Variants in ASIP observed in about 807,000 individuals in gnomAD.
The protein encoded by ASIP is agouti-signaling protein.
A neutral mutation model predicts 10.3 loss-of-function variants in ASIP; 11 were observed. The ratio of observed to expected loss-of-function variants is 1.07; its 90% CI spans 0.68 to 1.78. ASIP has a LOEUF of 1.78. Ranked by LOEUF, ASIP falls within the 40% of genes most tolerant of loss-of-function variation. The pLI is 0.00. For missense variants in ASIP, 180 were observed against 169.2 expected, an observed-to-expected ratio of 1.06 and a Z score of -0.35; for synonymous variants, 70 against 70.8, an observed-to-expected ratio of 0.99 and a Z score of 0.06.
At position 34,214,934 on chromosome 20, in the gene ASIP, T is replaced by C. The variant is rs2034997727; in HGVS notation, c.-11+20174T>C. On this transcript the variant is annotated intron_variant, in intron 1 of 3. Coordinates refer to the ASIP transcript ENST00000568305. ...TGAGCATTCTTAATATTCCCATTCT[T>C]AGTTAATTTACTCCAACTAACTATC... 2.7e-6 allele frequency: 4 copies of C among 1,478,752 alleles called. No individual in the cohort carries two copies. The South Asian group carries it at 3.4e-5, about 13-fold the overall frequency. 91.6% of individuals were successfully genotyped at this position (1,478,752 alleles called of 1,614,324 possible).
intron 1 of ASIP, among the ~76,000 whole-genome samples, chr20:34,254,887 T>A (rs983191986): frequency 6.6e-6 from 1 of 152,138 alleles, no homozygotes; most frequent in Non-Finnish European, 1.5e-5. Flanking sequence ...CAAATAAGAT[T>A]TACTCCACTG....
At position 34,206,601 on chromosome 20, in the gene ASIP, C is replaced by G. The variant is rs192065572; in HGVS notation, c.-11+11841C>G. Among the ~76,000 whole-genome samples the G allele has an allele frequency of 2.7e-3, 413 of 152,208 alleles. 7 individuals carry two copies. The highest frequency in any genetic ancestry group is 1.0e-3 in the Non-Finnish European group (70 of 68,014). ...TTGTTTTTGTTTTTGTTTTTTGAGA[C>G]AAAGTCTCGCTCTGTCACCTAGGCT... On this transcript the variant is annotated intron_variant, in intron 1 of 3. Transcript: ENST00000568305.
chr20:34,232,459 A>G (rs2035128269), intron 1 of ASIP, among the ~76,000 whole-genome samples: 1 of 152,140 alleles, frequency 6.6e-6, no homozygotes, highest in African/African-American at 2.4e-5. Flanking sequence ...AATCCGTCCA[A>G]TTTATCTCAT....
In ASIP at chr20:34,214,764, T is replaced by C. The variant is rs936916067; in HGVS notation, c.-11+20004T>C. On this transcript the variant is annotated intron_variant, in intron 1 of 3. Transcript: ENST00000568305. ...ACATGATTGCCTCCACATTAGCTTT[T>C]TGCTGATCCGAGAGCACTGTAAGCT... 3.6e-5 allele frequency: 49 copies of C among 1,361,508 alleles called. No homozygotes were observed. The Admixed American group carries it at 5.5e-4, about 15-fold the overall frequency. The allele number at this position is 1,361,508 out of a possible 1,614,324, so 84.3% of individuals were successfully genotyped here.
chr20:34,190,302 T>A (rs549698539), upstream of ASIP, among the ~76,000 whole-genome samples: 1 of 152,196 alleles, frequency 6.6e-6, no homozygotes, highest in East Asian at 1.9e-4. Flanking sequence ...ATTAAGATAA[T>A]GAGTATGAAA....
At chr20:34,241,553 G>C in intron 1 of ASIP, 64 bp downstream of exon 1, 1 of 984,418 alleles carries the variant, frequency 1.0e-6, no homozygotes, top group Non-Finnish European at 1.2e-6. Context: ...TTGGAAAGTT[G>C]AAAGGACTTA....
chr20:34,186,704 A>G, the ASIP span, among the ~76,000 whole-genome samples: 4 of 152,078 alleles, frequency 2.6e-5, no homozygotes, highest in Non-Finnish European at 5.9e-5. Flanking sequence ...TCATTTTTCT[A>G]TTGGGAGCTT....
intron 1 of ASIP, among the ~76,000 whole-genome samples, chr20:34,253,566 G>A (rs1424834696): frequency 3.3e-5 from 5 of 151,646 alleles, no homozygotes; most frequent in East Asian, 1.9e-4. Flanking sequence ...TCCGCCTCCC[G>A]GTTCAAGCGA....
upstream of ASIP, among the ~76,000 whole-genome samples, chr20:34,192,453 G>A (rs972683684): frequency 9.2e-5 from 14 of 151,904 alleles, no homozygotes; most frequent in African/African-American, 2.9e-4. Flanking sequence ...ATAGACATGA[G>A]CCACCACACG....
chr20:34,190,746 A>G (rs2034819945), upstream of ASIP, among the ~76,000 whole-genome samples: 1 of 152,150 alleles, frequency 6.6e-6, no homozygotes. Flanking sequence ...CTCCATACCA[A>G]GTGCAGAGCT....
At chr20:34,198,775 A>G (rs2034874724) in intron 1 of ASIP, among the ~76,000 whole-genome samples, 1 of 152,186 alleles carries the variant, frequency 6.6e-6, no homozygotes, top group African/African-American at 2.4e-5. Flanking sequence ...CACCATGCCT[A>G]GCCCCTTATT....
chr20:34,190,450 G>A (rs565697707), upstream of ASIP, among the ~76,000 whole-genome samples: 5 of 152,168 alleles, frequency 3.3e-5, no homozygotes, highest in African/African-American at 1.2e-4. Flanking sequence ...TTTTCCCTGG[G>A]TGATCTCATC....
chr20:34,226,218 G>A (rs977454767), intron 1 of ASIP, among the ~76,000 whole-genome samples: 22 of 152,116 alleles, frequency 1.4e-4, no homozygotes, highest in African/African-American at 4.8e-4. Flanking sequence ...ACTTTAGAAC[G>A]TGTGTCTCTT....
At chr20:34,201,516 A>G (rs1364079521) in intron 1 of ASIP, among the ~76,000 whole-genome samples, 1 of 152,242 alleles carries the variant, frequency 6.6e-6, no homozygotes, top group Non-Finnish European at 1.5e-5. Flanking sequence ...TTGAAATGAT[A>G]CAAACATTTG....
chr20:34,225,903 T>TG (rs1252970070), intron 1 of ASIP, among the ~76,000 whole-genome samples: 1 of 152,046 alleles, frequency 6.6e-6, no homozygotes, highest in African/African-American at 2.4e-5. Flanking sequence ...TTTTTTTTTT[T>TG]CTTTTTTTGA....
intron 3 of ASIP, among the ~76,000 whole-genome samples, chr20:34,268,466 T>C (rs1348261652): frequency 2.0e-5 from 3 of 152,074 alleles, no homozygotes. Context: ...GCCTGTAATG[T>C]AAACCCAGCA....
chr20:34,256,504 A>C (rs2122646836), intron 1 of ASIP, among the ~76,000 whole-genome samples: 1 of 152,228 alleles, frequency 6.6e-6, no homozygotes, highest in South Asian at 2.1e-4. Context: ...AGGTCTCTCT[A>C]TGTTGCCAGG....
chr20:34,199,569 G>A (rs372073107), intron 1 of ASIP, among the ~76,000 whole-genome samples: 1 of 152,096 alleles, frequency 6.6e-6, no homozygotes, highest in Non-Finnish European at 1.5e-5. Flanking sequence ...GACTAATGAC[G>A]TTTAGCACCT....
At chr20:34,239,683 C>T (rs529903807), upstream of ASIP, among the ~76,000 whole-genome samples, 1 of 152,276 alleles carries the variant, frequency 6.6e-6, no homozygotes, top group African/African-American at 2.4e-5. Context: ...GAGAAAGTAA[C>T]AAAGCCTAAA....
Sources: gnomAD v4.1 joint callset for allele counts (sites outside exome capture counted in the v4.1 genomes callset) on GRCh38, gnomAD v4.1.1 for gene constraint, MANE v1.5 for transcripts, NCBI Gene and HGNC (gene_info 2026-07-23, HGNC 2026-07-21) for gene names.